Variants in AKR1C4 observed in about 807,000 individuals in gnomAD.
AKR1C4 encodes the protein aldo-keto reductase family 1 member C4, also known as 3-alpha-HSD1.
A neutral mutation model predicts 41.0 loss-of-function variants in AKR1C4; 44 were observed. That is an observed-to-expected ratio of 1.07 (90% CI 0.84 to 1.38). AKR1C4 has a LOEUF of 1.38. Among genes scored for constraint, AKR1C4 ranks in the 40% most tolerant of loss-of-function variants. The pLI is 0.00. For synonymous variants in AKR1C4, 165 were observed against 137.7 expected, an observed-to-expected ratio of 1.20 and a Z score of -1.39; for missense variants, 438 against 387.9, an observed-to-expected ratio of 1.13 and a Z score of -1.09.
chr10:5,207,188 A>C (rs1339382548), intron 5 of AKR1C4: 1 of 187,996 alleles, frequency 5.3e-6, no homozygotes, highest in Non-Finnish European at 1.2e-5. Context: ...CTAACTGGCT[A>C]AACTACTATC....
intron 3 of AKR1C4, 119 bp downstream of exon 3, chr10:5,204,612 A>G (rs933606950): frequency 2.4e-6 from 2 of 841,030 alleles, no homozygotes; most frequent in Admixed American, 3.4e-5. Flanking sequence ...AAGAGTCCTA[A>G]GTATAATGCC....
At chr10:5,209,841 G>A (rs993351838) in intron 5 of AKR1C4, among the ~76,000 whole-genome samples, 1 of 151,098 alleles carries the variant, frequency 6.6e-6, no homozygotes, top group Non-Finnish European at 1.5e-5. Context: ...ATTTGGGTGG[G>A]GACACATAGC....
At chr10:5,217,006 C>T (rs1377033906) in intron 8 of AKR1C4, among the ~76,000 whole-genome samples, 1 of 152,190 alleles carries the variant, frequency 6.6e-6, no homozygotes, top group Non-Finnish European at 1.5e-5. Context: ...CAACCTGTGC[C>T]TCTGCTCTCC....
At chr10:5,212,848 T>C in intron 6 of AKR1C4, 123 bp downstream of exon 6, 1 of 1,392,138 alleles carries the variant, frequency 7.2e-7, no homozygotes. Context: ...TTTGCATTTC[T>C]TATGAGATAC....
chr10:5,200,205 G>A lies in AKR1C4; in HGVS notation c.109G>A (p.Val37Ile), dbSNP rs782399285. The change falls in exon 2 of 9, where the codon GTC becomes ATC. Residue 37 changes from valine (V) to isoleucine (I), a missense_variant. By Grantham distance (29) the Val-to-Ile change is conservative (BLOSUM62 3). Transcript: ENST00000263126. ...PEVPRNRAVE[V>I]TKLAIEAGFR... ...GGTTCCGAGGAACAGAGCTGTAGAG[G>A]TCACCAAATTAGCAATAGAAGCTGG... 8 of 1,613,846 alleles carry A rather than the reference G, an allele frequency of 5.0e-6. No individual in the cohort carries two copies. Among genetic ancestry groups the A allele is most frequent in the African/African-American group, 1.3e-5 (1 of 74,926 alleles).
intron 5 of AKR1C4, among the ~76,000 whole-genome samples, chr10:5,206,698 A>C (rs2132131157): frequency 8.1e-6 from 1 of 123,324 alleles, no homozygotes; most frequent in Non-Finnish European, 1.7e-5. Flanking sequence ...CTTATCTCTA[A>C]GGTATGAAAG....
chr10:5,213,567 A>C lies in AKR1C4; in HGVS notation c.846+408A>C, dbSNP rs1197453674. ...AATTATTTGTTGAGTGCCTGTTGAAATCTTTGGGTATTTTATTAGGTTGCA... is the reference window on the plus strand; with the variant it reads ...AATTATTTGTTGAGTGCCTGTTGAACTCTTTGGGTATTTTATTAGGTTGCA... On this transcript the variant is annotated intron_variant, in intron 7 of 8. Transcript: ENST00000263126. Among the ~76,000 whole-genome samples the C allele has an allele frequency of 4.6e-5, 7 of 152,132 alleles. No individual in the cohort carries two copies. The East Asian group carries it at 7.7e-4, about 17-fold the overall frequency.
chr10:5,213,140 G>A lies in AKR1C4; in HGVS notation c.827G>A (p.Arg276Gln), dbSNP rs370245703. ...VVLAKSYNEQ[R>Q]IRENIQVFEF... ...CTGGCCAAGAGCTACAATGAGCAGC[G>A]GATCAGAGAGAACATCCAGGTGAGG... The change falls in exon 7 of 9, where the codon CGG becomes CAG. Residue 276 changes from arginine (R) to glutamine (Q), a missense_variant. Coordinates refer to ENST00000263126, the MANE Select transcript of AKR1C4 (RefSeq NM_001818.5). The A allele has an allele frequency of 8.9e-5, 144 of 1,613,750 alleles. No individual in the cohort carries two copies. The highest frequency in any genetic ancestry group is 6.4e-4 in the South Asian group (58 of 91,066).
chr10:5,198,665 T>C (rs555423137), intron 1 of AKR1C4, among the ~76,000 whole-genome samples: 1 of 152,292 alleles, frequency 6.6e-6, no homozygotes, highest in African/African-American at 2.4e-5. Context: ...ATTCTTACCA[T>C]AATTTCTTCC....
At chr10:5,203,316 T>C (rs1340486153) in intron 2 of AKR1C4, among the ~76,000 whole-genome samples, 1 of 152,144 alleles carries the variant, frequency 6.6e-6, no homozygotes, top group African/African-American at 2.4e-5. Flanking sequence ...GTGGCTGAAC[T>C]CCCCAAGTTC....
chr10:5,215,473 A>G (rs1378552014), intron 7 of AKR1C4, among the ~76,000 whole-genome samples: 1 of 152,234 alleles, frequency 6.6e-6, no homozygotes, highest in Non-Finnish European at 1.5e-5. Flanking sequence ...TAGCACCAGC[A>G]TCTCATTCTG....
intron 1 of AKR1C4, among the ~76,000 whole-genome samples, chr10:5,199,069 A>C (rs1212903401): frequency 3.3e-5 from 5 of 152,148 alleles, no homozygotes; most frequent in Admixed American, 3.3e-4. Flanking sequence ...TTTTCTAACA[A>C]ATGACTGAAT....
At position 5,213,168 on chromosome 10, in the gene AKR1C4, T is replaced by C. The variant is rs1286195107; in HGVS notation, c.846+9T>C. The C allele has an allele frequency of 3.1e-6, 5 of 1,612,322 alleles. No individual in the cohort carries two copies. The highest frequency in any genetic ancestry group is 1.7e-5 in the Admixed American group (1 of 59,990). On this transcript the variant is annotated intron_variant, in intron 7 of 8. Transcript: ENST00000263126. ...TCAGAGAGAACATCCAGGTGAGGAG[T>C]TGGGTGGGCATCAGGGCTCCTGCAC...
chr10:5,216,584 T>C lies in AKR1C4; in HGVS notation c.847-127T>C, dbSNP rs1160978025. On this transcript the variant is annotated intron_variant, in intron 7 of 8. Coordinates refer to ENST00000263126, the MANE Select transcript of AKR1C4 (RefSeq NM_001818.5). ...CACTTGAGAGTTTAGAGATGGTCTTTCATAACTTTTGGAAACTTATCAAGT... is the reference window on the plus strand; with the variant it reads ...CACTTGAGAGTTTAGAGATGGTCTTCCATAACTTTTGGAAACTTATCAAGT... The C allele has an allele frequency of 6.3e-6, 4 of 633,626 alleles. No homozygotes were observed. In the African/African-American group the frequency reaches 7.5e-5, roughly 12 times the overall value. The allele number at this position is 633,626 out of a possible 1,614,324, so 39.3% of individuals were successfully genotyped here.
intron 5 of AKR1C4, among the ~76,000 whole-genome samples, chr10:5,209,855 A>G (rs1205451869): frequency 8.5e-5 from 13 of 152,210 alleles, no homozygotes; most frequent in Non-Finnish European, 1.0e-4. Context: ...ACATAGCCAA[A>G]CCATATCATG....
At position 5,196,924 on chromosome 10, in the gene AKR1C4, G is replaced by T; in HGVS notation, c.57G>T (p.Leu19Phe). The change falls in exon 1 of 9, where the codon TTG (leucine) becomes TTT (phenylalanine). Residue 19 changes from leucine (L) to phenylalanine (F), a missense_variant. By Grantham distance (22) the Leu-to-Phe change is conservative. Transcript: ENST00000263126. Reference protein sequence around the residue: ...ELNDGHFMPVLGFGTYAPPEV... With the variant: ...ELNDGHFMPVFGFGTYAPPEV... ...ATGATGGTCACTTCATGCCCGTATT[G>T]GGATTTGGCACCTATGCACCTCCAG... 1 of 1,614,020 alleles carries T rather than the reference G, an allele frequency of 6.2e-7. No homozygotes were observed. The highest frequency in any genetic ancestry group is 1.1e-5 in the South Asian group (1 of 91,074).
Position 5,218,753 on chromosome 10 carries a change from A to G in AKR1C4, c.965A>G (p.Glu322Gly). ...CATCCTGATTATCCATTTTCAGATG[A>G]ATATTAGCATAGAGGGTGTTGCACG... ...MDHPDYPFSD[E>G]Y The change falls in exon 9 of 9, where the codon GAA (glutamate) becomes GGA (glycine). Residue 322 changes from glutamate (E) to glycine (G), a missense_variant. Coordinates refer to ENST00000263126, the MANE Select transcript of AKR1C4 (RefSeq NM_001818.5). The G allele has an allele frequency of 6.2e-7, 1 of 1,604,824 alleles. No homozygotes were observed. The highest frequency in any genetic ancestry group is 8.5e-7 in the Non-Finnish European group (1 of 1,171,544).
chr10:5,208,806 T>A (rs1554797710), intron 5 of AKR1C4, among the ~76,000 whole-genome samples: 1 of 151,190 alleles, frequency 6.6e-6, no homozygotes, highest in Non-Finnish European at 1.5e-5. Context: ...CATAAGATAT[T>A]AAGTACCTGA....
In AKR1C4 at chr10:5,205,801, A is replaced by G. The variant is rs1328010774; in HGVS notation, c.414A>G (p.Ile138Met). 1.2e-6 allele frequency: 2 copies of G among 1,613,516 alleles called. No individual in the cohort carries two copies. Among genetic ancestry groups the G allele is most frequent in the African/African-American group, 2.7e-5 (2 of 74,898 alleles). The change falls in exon 4 of 9, where the codon ATA (isoleucine) becomes ATG (methionine). Residue 138 changes from isoleucine (I) to methionine (M), a missense_variant. Coordinates refer to ENST00000263126, the MANE Select transcript of AKR1C4 (RefSeq NM_001818.5). ...CAAAAGATGAAAATGGAAAAGTAATATTCGACACAGTGGATCTCTCTGCCA... is the reference window on the plus strand; with the variant it reads ...CAAAAGATGAAAATGGAAAAGTAATGTTCGACACAGTGGATCTCTCTGCCA... The part of the protein sequence containing the change: ...PLPKDENGKV[I>M]FDTVDLSATW...
Sources: gnomAD v4.1 joint callset for allele counts (sites outside exome capture counted in the v4.1 genomes callset) on GRCh38, gnomAD v4.1.1 for gene constraint, MANE v1.5 for transcripts, NCBI Gene and HGNC (gene_info 2026-07-23, HGNC 2026-07-21) for gene names.